Variants in CKMT2 observed in about 807,000 individuals in gnomAD.
CKMT2 encodes creatine kinase S-type, mitochondrial.
CKMT2 carries 43 observed loss-of-function variants against 48.9 expected under a neutral mutation model. That is an observed-to-expected ratio of 0.88 (90% CI 0.69 to 1.13). The LOEUF is 1.13. Ranked by LOEUF, CKMT2 falls within the 50% of genes most tolerant of loss-of-function variation. The pLI is 0.00. For missense variants in CKMT2, 472 were observed against 555.4 expected (o/e 0.85, Z 1.51); for synonymous variants, 206 against 213.0 (o/e 0.97, Z 0.29).
At position 81,252,913 on chromosome 5, in the gene CKMT2, G is replaced by A. The variant is rs372080856; in HGVS notation, c.351+20G>A. On this transcript the variant is annotated intron_variant, in intron 3 of 9. Transcript: ENST00000254035. ...TATGAGGTAAAACTATTGGCTGCTG[G>A]TTCCAGGGTGGGAGGGATGCTCTGG... 1.4e-5 allele frequency: 23 copies of A among 1,613,440 alleles called. No homozygotes were observed. Among genetic ancestry groups the A allele is most frequent in the Admixed American group, 5.0e-5 (3 of 60,002 alleles).
In CKMT2 at chr5:81,234,032, A is replaced by C. The variant is rs1466516998; in HGVS notation, c.-21+655A>C. On this transcript the variant is annotated intron_variant, in intron 1 of 9. Coordinates refer to ENST00000254035, the MANE Select transcript of CKMT2 (RefSeq NM_001099735.2). ...CACCGGAGGTTAATTAAAAAAAAAA[A>C]AAAAAAAAAAAAAACCTATGGAATT... Among the ~76,000 whole-genome samples, 6 of 151,302 alleles carry C rather than the reference A, an allele frequency of 4.0e-5. No individual in the cohort carries two copies. In the East Asian group the frequency reaches 5.8e-4, roughly 15 times the overall value.
At chr5:81,238,677 T>G (rs1384820858) in intron 1 of CKMT2, 1 of 152,626 alleles carries the variant, frequency 6.6e-6, no homozygotes, top group African/African-American at 2.4e-5. Context: ...CTCCCCTGCC[T>G]CTGCCACTCA....
Position 81,233,349 on chromosome 5 carries a change from A to C in CKMT2, c.-49A>C. 2.0e-6 allele frequency: 2 copies of C among 985,722 alleles called. No individual in the cohort carries two copies. Among genetic ancestry groups the C allele is most frequent in the Non-Finnish European group, 2.4e-6 (2 of 830,142 alleles). The allele number at this position is 985,722 out of a possible 1,614,324, so 61.1% of individuals were successfully genotyped here. A position where few individuals can be genotyped will look rare whatever the true frequency, so the allele number is the denominator to read the frequency against. ...ATACACTTCTTGGCTGTGTGCGCTC[A>C]GCAGGACGTGGGAGGCTCCGGCTTC... On this transcript the variant is annotated 5_prime_UTR_variant, in exon 1 of 10. Transcript: ENST00000254035.
At chr5:81,242,404 C>T in intron 1 of CKMT2, 3 of 510,412 alleles carry the variant, frequency 5.9e-6, no homozygotes, top group African/African-American at 1.9e-5. Flanking sequence ...TTAACTACTA[C>T]ACAACTGCAA....
At chr5:81,249,954 C>G (rs1454589799) in intron 1 of CKMT2, among the ~76,000 whole-genome samples, 3 of 152,122 alleles carry the variant, frequency 2.0e-5, no homozygotes, top group Non-Finnish European at 4.4e-5. Context: ...GTCTAGGTGT[C>G]AATTTCTTTG....
Position 81,253,028 on chromosome 5 carries a change from C to G in CKMT2, c.351+135C>G, listed in dbSNP as rs113540911. The G allele has an allele frequency of 2.5e-3, 2,185 of 882,294 alleles. 34 individuals are homozygous for G. In the African/African-American group the frequency reaches 0.032, roughly 13 times the overall value. The allele number at this position is 882,294 out of a possible 1,614,324, so 54.7% of individuals were successfully genotyped here. On this transcript the variant is annotated intron_variant, in intron 3 of 9. Transcript: ENST00000254035. ...CAGGAAGGGCTCTCATAAAGGGAAG[C>G]CAGCTCCAGCAGAACCATCTGGAAT... is the stretch of plus-strand genomic sequence containing the variant.
At position 81,263,608 on chromosome 5, in the gene CKMT2, C is replaced by T. The variant is rs778422458; in HGVS notation, c.1132C>T (p.Arg378Ter). Residue 378 changes from arginine to a stop codon, truncating the protein, a stop_gained, in exon 9 of 10, where the codon CGA (arginine) becomes TGA (stop). Transcript: ENST00000254035. LOFTEE classifies it high-confidence loss of function. The part of the protein sequence containing the change: ...YDISNIDRIG[R>*]SEVELVQIVI... ...CATTTCCAACATAGATAGAATTGGT[C>T]GATCAGAGGTAACGTCTCTCTCACT... 7.5e-6 allele frequency: 12 copies of T among 1,610,662 alleles called. No individual in the cohort carries two copies. In the East Asian group the frequency reaches 1.6e-4, roughly 21 times the overall value.
chr5:81,241,966 A>G lies in CKMT2; in HGVS notation c.-21+8589A>G, dbSNP rs185266880. Among the ~76,000 whole-genome samples, 250 of 152,040 alleles carry G rather than the reference A, an allele frequency of 1.6e-3. 3 individuals are homozygous for G. Among genetic ancestry groups the G allele is most frequent in the Admixed American group, 0.015 (234 of 15,280 alleles). ...CTGCTCAGTCAGAACCCCTAAAAAA[A>G]AAAAAAAGGAAACAGAAGGACATGC... On this transcript the variant is annotated intron_variant, in intron 1 of 9. Transcript: ENST00000254035.
chr5:81,242,726 C>CT (rs1359958291), intron 1 of CKMT2: 2 of 169,460 alleles, frequency 1.2e-5, no homozygotes, highest in African/African-American at 4.8e-5. Flanking sequence ...TCCCTGCTGG[C>CT]TTATAAGCAA....
In CKMT2 at chr5:81,252,830, C is replaced by A; in HGVS notation, c.288C>A (p.Asp96Glu). 3 of 1,614,234 alleles carry A rather than the reference C, an allele frequency of 1.9e-6. No individual in the cohort carries two copies. The highest frequency in any genetic ancestry group is 2.2e-5 in the East Asian group (1 of 44,888). Residue 96 changes from aspartate (D) to glutamate (E), a missense_variant, in exon 3 of 10, where the codon GAC becomes GAA. Physicochemically the swap from Asp to Glu is conservative, Grantham distance 45 (BLOSUM62 2). Transcript: ENST00000254035. ...ACCAGTGCATCCAGACTGGAGTGGA[C>A]AACCCTGGCCACCCCTTCATAAAGA... ...TLDQCIQTGV[D>E]NPGHPFIKTV...
At chr5:81,262,735 G>A (rs1757266242) in intron 8 of CKMT2, among the ~76,000 whole-genome samples, 1 of 152,206 alleles carries the variant, frequency 6.6e-6, no homozygotes, top group African/African-American at 2.4e-5. Flanking sequence ...TGGTGGGAGT[G>A]TAAATTAGTT....
At chr5:81,247,462 G>C (rs997269896) in intron 1 of CKMT2, among the ~76,000 whole-genome samples, 15 of 152,208 alleles carry the variant, frequency 9.9e-5, no homozygotes, top group Non-Finnish European at 8.8e-5. Context: ...TACAGCTGCA[G>C]AGAATGCTTA....
rs1336393817 is a variant in CKMT2, at chr5:81,233,332, C to G, written c.-66C>G. ...CGACCAGCTCGCCCTGCATACACTT[C>G]TTGGCTGTGTGCGCTCAGCAGGACG... On this transcript the variant is annotated 5_prime_UTR_variant, in exon 1 of 10. Transcript: ENST00000254035. 2.0e-6 allele frequency: 2 copies of G among 985,664 alleles called. No individual in the cohort carries two copies. Among genetic ancestry groups the G allele is most frequent in the Non-Finnish European group, 2.4e-6 (2 of 830,204 alleles). 61.1% of individuals were successfully genotyped at this position (985,664 alleles called of 1,614,324 possible).
chr5:81,239,763 C>A (rs1279272297), intron 1 of CKMT2, among the ~76,000 whole-genome samples: 1 of 152,132 alleles, frequency 6.6e-6, no homozygotes, highest in African/African-American at 2.4e-5. Context: ...GCACAAATCA[C>A]ACACAATTTC....
chr5:81,254,275 A>G, intron 3 of CKMT2, 121 bp from the exon 4 acceptor site: 1 of 718,292 alleles, frequency 1.4e-6, no homozygotes. Context: ...ATAGTCCTGA[A>G]AATTTCAGAG....
intron 1 of CKMT2, chr5:81,242,505 T>C: frequency 4.1e-6 from 2 of 491,396 alleles, no homozygotes; most frequent in Non-Finnish European, 7.9e-6. Context: ...CTTAATTAGG[T>C]TGATTTGGTG....
At position 81,254,926 on chromosome 5, in the gene CKMT2, C is replaced by A. The variant is rs950562094; in HGVS notation, c.448-67C>A. 7 of 1,320,784 alleles carry A rather than the reference C, an allele frequency of 5.3e-6. No homozygotes were observed. In the East Asian group the frequency reaches 1.6e-4, roughly 30 times the overall value. The allele number at this position is 1,320,784 out of a possible 1,614,324, so 81.8% of individuals were successfully genotyped here. A position where few individuals can be genotyped will look rare whatever the true frequency, so the allele number is the denominator to read the frequency against. On this transcript the variant is annotated intron_variant, in intron 4 of 9. Coordinates refer to ENST00000254035, the MANE Select transcript of CKMT2 (RefSeq NM_001099735.2). ...GGAAACTGCAGATTGGCGATTAGAA[C>A]CCACTGTGGCTGTGGCAGGACCATG...
chr5:81,256,354 T>G (rs2112812926), intron 5 of CKMT2, among the ~76,000 whole-genome samples: 1 of 152,320 alleles, frequency 6.6e-6, no homozygotes, highest in Non-Finnish European at 1.5e-5. Flanking sequence ...TATAAAATAA[T>G]TACACTTATT....
intron 8 of CKMT2, 134 bp downstream of exon 8, chr5:81,259,388 A>ATTAAG (rs1243438597): frequency 3.7e-6 from 3 of 818,006 alleles, no homozygotes; most frequent in Non-Finnish European, 5.3e-6. Context: ...TAAGAAAAAA[A>ATTAAG]TTAAGTTTGC....
Sources: gnomAD v4.1 joint callset for allele counts (sites outside exome capture counted in the v4.1 genomes callset) on GRCh38, gnomAD v4.1.1 for gene constraint, MANE v1.5 for transcripts, NCBI Gene and HGNC (gene_info 2026-07-23, HGNC 2026-07-21) for gene names.